The following ATRNL1 variants were observed in gnomAD, a reference collection of about 807,000 sequenced individuals.
ATRNL1 encodes attractin like 1, also known as attractin-like protein 1.
In ATRNL1, 95 loss-of-function variants were observed where a neutral mutation model predicts 182.7. The ratio of observed to expected loss-of-function variants is 0.52; its 90% CI spans 0.44 to 0.62. The LOEUF is 0.62. ATRNL1 is among the 20% of genes least tolerant of loss of function. The probability of loss-of-function intolerance (pLI) is 0.00; values close to 1 mark genes in which losing one functional copy is unlikely to be tolerated. For synonymous variants in ATRNL1, 576 were observed against 568.3 expected (o/e 1.01, Z -0.19); for missense variants, 1,471 against 1,679.5 (o/e 0.88, Z 2.17).
At chr10:115,586,986 G>C (rs1447862537) in intron 26 of ATRNL1, among the ~76,000 whole-genome samples, 6 of 140,846 alleles carry the variant, frequency 4.3e-5, no homozygotes, top group African/African-American at 1.5e-4. Context: ...AGGACCCTCA[G>C]CTGCAGCTCT....
intron 27 of ATRNL1, among the ~76,000 whole-genome samples, chr10:115,793,239 A>C (rs572218169): frequency 3.3e-5 from 5 of 152,152 alleles, no homozygotes; most frequent in Admixed American, 2.0e-4. Flanking sequence ...TTTTGGTCAT[A>C]AGGTTATATT....
intron 26 of ATRNL1, among the ~76,000 whole-genome samples, chr10:115,701,345 CA>C (rs1324248438): frequency 4.6e-5 from 7 of 151,856 alleles, no homozygotes; most frequent in African/African-American, 1.5e-4. Flanking sequence ...ACACCTACCT[CA>C]AAAAATTAGA....
chr10:115,630,749 GA>G (rs1212720198), intron 26 of ATRNL1, among the ~76,000 whole-genome samples: 3 of 143,302 alleles, frequency 2.1e-5, no homozygotes, highest in African/African-American at 5.1e-5. Context: ...CTATATTTAA[GA>G]TATATATTTA....
chr10:115,241,028 A>G (rs1168342539), intron 9 of ATRNL1, among the ~76,000 whole-genome samples: 3 of 152,038 alleles, frequency 2.0e-5, no homozygotes, highest in African/African-American at 7.2e-5. Context: ...TAATATTCTT[A>G]TAGTTTTTTA....
chr10:115,417,730 G>A (rs1554961136), intron 20 of ATRNL1, among the ~76,000 whole-genome samples: 1 of 152,128 alleles, frequency 6.6e-6, no homozygotes. Context: ...AGGTTTCCTG[G>A]CCAGCTTTCC....
chr10:115,355,426 C>T (rs1246724033), intron 19 of ATRNL1, among the ~76,000 whole-genome samples: 1 of 152,148 alleles, frequency 6.6e-6, no homozygotes, highest in Non-Finnish European at 1.5e-5. Context: ...GGGTAGACTT[C>T]TGAAAGTGAA....
rs67676674 is a variant in ATRNL1, at chr10:115,868,822, CTTTTTTTTTTTTTT to C, written c.4018+20843_4018+20856del. Among the ~76,000 whole-genome samples the C allele has an allele frequency of 5.6e-3, 326 of 58,124 alleles. 8 individuals are homozygous for C. The highest frequency in any genetic ancestry group is 0.018 in the African/African-American group (296 of 16,678). The allele number at this position is 58,124 out of a possible 152,430, so 38.1% of individuals were successfully genotyped here. ...ATATATCTGGTGGCAAGTCTTTATT[CTTTTTTTTTTTTTT>C]TTTTTTTTTTTGAGACGGAGTCTCG... On this transcript the variant is annotated intron_variant, in intron 28 of 28. Coordinates refer to ENST00000355044, the MANE Select transcript of ATRNL1 (RefSeq NM_207303.4).
chr10:115,740,928 T>G (rs1016225336), intron 27 of ATRNL1, among the ~76,000 whole-genome samples: 4 of 152,128 alleles, frequency 2.6e-5, no homozygotes, highest in African/African-American at 9.7e-5. Flanking sequence ...GAAGGAGTTT[T>G]TATTTCTTGA....
chr10:115,532,815 A>C (rs367736184), intron 25 of ATRNL1, among the ~76,000 whole-genome samples: 1 of 152,044 alleles, frequency 6.6e-6, no homozygotes, highest in African/African-American at 2.4e-5. Context: ...TACCTAATTT[A>C]TTGAGAGTTT....
At chr10:115,151,488 T>C (rs1554880576) in intron 5 of ATRNL1, among the ~76,000 whole-genome samples, 2 of 152,246 alleles carry the variant, frequency 1.3e-5, no homozygotes, top group African/African-American at 2.4e-5. Flanking sequence ...ATGAGCATTT[T>C]TTCATGTGTC....
At chr10:115,544,490 A>AG (rs1311663124) in intron 25 of ATRNL1, among the ~76,000 whole-genome samples, 4 of 152,082 alleles carry the variant, frequency 2.6e-5, no homozygotes, top group African/African-American at 4.8e-5. Flanking sequence ...TAGAAGGTGA[A>AG]GGGGGGGCAG....
chr10:115,437,671 G>A (rs1846466763), intron 21 of ATRNL1, among the ~76,000 whole-genome samples: 1 of 151,918 alleles, frequency 6.6e-6, no homozygotes, highest in Non-Finnish European at 1.5e-5. Context: ...CCTCAGGATG[G>A]CTGACTATAA....
chr10:115,932,828 T>C (rs1416317070), intron 28 of ATRNL1, among the ~76,000 whole-genome samples: 7 of 152,188 alleles, frequency 4.6e-5, no homozygotes, highest in African/African-American at 1.7e-4. Context: ...CATTGTGGTA[T>C]ATCTGTGCTA....
At chr10:115,585,243 G>GGT (rs1555009496) in intron 26 of ATRNL1, among the ~76,000 whole-genome samples, 3 of 80,268 alleles carry the variant, frequency 3.7e-5, no homozygotes, top group East Asian at 4.9e-4. Flanking sequence ...GGGGTGGAGA[G>GGT]TTCTGTAGAT....
At chr10:115,257,381 A>G (rs917278411) in intron 10 of ATRNL1, among the ~76,000 whole-genome samples, 4 of 152,098 alleles carry the variant, frequency 2.6e-5, no homozygotes, top group East Asian at 1.9e-4. Context: ...ACCATTATGT[A>G]TTGGCCTTCT....
chr10:115,369,320 C>G (rs575151608), intron 19 of ATRNL1, among the ~76,000 whole-genome samples: 5 of 141,988 alleles, frequency 3.5e-5, no homozygotes, highest in African/African-American at 1.3e-4. Context: ...GAAGGGGGTT[C>G]CATGAGGGGA....
intron 28 of ATRNL1, among the ~76,000 whole-genome samples, chr10:115,904,614 C>T (rs140141248): frequency 1.2e-3 from 176 of 152,232 alleles, no homozygotes; most frequent in Non-Finnish European, 2.1e-3. Context: ...TTTCCTATTC[C>T]CCATTTCAAA....
At chr10:115,135,359 G>A (rs1554876364) in intron 5 of ATRNL1, among the ~76,000 whole-genome samples, 2 of 152,136 alleles carry the variant, frequency 1.3e-5, no homozygotes, top group Non-Finnish European at 2.9e-5. Context: ...AAAATCATGT[G>A]CAAAAATCAC....
intron 26 of ATRNL1, among the ~76,000 whole-genome samples, chr10:115,595,565 AT>A (rs1368098521): frequency 6.6e-6 from 1 of 152,018 alleles, no homozygotes; most frequent in Non-Finnish European, 1.5e-5. Flanking sequence ...AGGGATTTTC[AT>A]TTCCTTGTTT....
Sources: allele counts gnomAD v4.1 joint callset (sites outside exome capture counted in the v4.1 genomes callset), GRCh38; gene constraint gnomAD v4.1.1; transcripts MANE v1.5; gene names NCBI Gene and HGNC (gene_info 2026-07-23, HGNC 2026-07-21).